ARHGEF33: variants seen among roughly 807,000 people sequenced by gnomAD.
ARHGEF33 encodes Rho guanine nucleotide exchange factor 33.
In ARHGEF33, 72 loss-of-function variants were observed where a neutral mutation model predicts 101.9. That is an observed-to-expected ratio of 0.71 (90% CI 0.58 to 0.86). ARHGEF33 has a LOEUF of 0.86. Among genes scored for constraint, ARHGEF33 ranks in the 40% least tolerant of loss-of-function variants. ARHGEF33 has a pLI of 0.00. For missense variants in ARHGEF33, 1,169 were observed against 1,111.3 expected (o/e 1.05, Z -0.74); for synonymous variants, 499 against 442.5 (o/e 1.13, Z -1.60).
chr2:38,926,168 G>A (rs1404141472), intron 4 of ARHGEF33, among the ~76,000 whole-genome samples: 1 of 152,164 alleles, frequency 6.6e-6, no homozygotes, highest in African/African-American at 2.4e-5. Context: ...GTGGGAGCCC[G>A]CCTCCAGCGG....
intron 11 of ARHGEF33, 85 bp downstream of exon 11, chr2:38,951,206 A>T: frequency 7.4e-7 from 1 of 1,343,578 alleles, no homozygotes; most frequent in East Asian, 2.5e-5. Context: ...AGAATCTAGA[A>T]GCAGTGAATT....
At chr2:38,894,378 C>T (rs759148856) in intron 1 of ARHGEF33, among the ~76,000 whole-genome samples, 13 of 149,230 alleles carry the variant, frequency 8.7e-5, no homozygotes, top group African/African-American at 1.5e-4. Flanking sequence ...CTTCCTAGAA[C>T]GCCAGCATAT....
chr2:38,897,689 T>C lies in ARHGEF33; in HGVS notation c.-86+1840T>C, dbSNP rs1212879415. Among the ~76,000 whole-genome samples, 5 of 152,348 alleles carry C rather than the reference T, an allele frequency of 3.3e-5. No homozygotes were observed. In the East Asian group the frequency reaches 9.6e-4, roughly 29 times the overall value. ...TGTAGAAGTGAGACTTTTAAATTTA[T>C]AGTTTGATAGAAATACTATAATGGA... is the stretch of plus-strand genomic sequence containing the variant. On this transcript the variant is annotated intron_variant, in intron 2 of 17. Transcript: ENST00000409978.
chr2:38,929,214 A>C, intron 5 of ARHGEF33, 143 bp downstream of exon 5: 1 of 567,146 alleles, frequency 1.8e-6, no homozygotes, highest in Non-Finnish European at 3.1e-6. Context: ...GTAGATCACA[A>C]GGTCAGGAGT....
rs569477621 is a variant in ARHGEF33, at chr2:38,903,982, T to C, written c.-86+8133T>C. Among the ~76,000 whole-genome samples the C allele has an allele frequency of 5.3e-5, 8 of 152,324 alleles. 1 individual carries two copies. The highest frequency in any genetic ancestry group is 1.9e-4 in the African/African-American group (8 of 41,564). ...ATTGAACTTCTACCCTATGTTAGAA[T>C]ATATCCTATGTACCAGGGATAATAA... On this transcript the variant is annotated intron_variant, in intron 2 of 17. Coordinates refer to ENST00000409978, the MANE Select transcript of ARHGEF33 (RefSeq NM_001145451.5).
At chr2:38,924,542 AACTCCAAC>A (rs1490610358) in intron 4 of ARHGEF33, among the ~76,000 whole-genome samples, 2 of 152,200 alleles carry the variant, frequency 1.3e-5, no homozygotes, top group African/African-American at 4.8e-5. Flanking sequence ...TAATGATTTC[AACTCCAAC>A]TGTGTTTTAA....
At chr2:38,966,281 A>G in intron 17 of ARHGEF33, 136 bp downstream of exon 17, 1 of 1,180,034 alleles carries the variant, frequency 8.5e-7, no homozygotes, top group Non-Finnish European at 1.2e-6. Context: ...CCCAGTAGCC[A>G]CAGTTCCGGC....
At chr2:38,904,894 G>T (rs1666354118) in intron 2 of ARHGEF33, among the ~76,000 whole-genome samples, 1 of 152,144 alleles carries the variant, frequency 6.6e-6, no homozygotes. Context: ...CTGATCCAAA[G>T]AGGCGACAAT....
At chr2:38,893,705 C>G (rs1160559572) in intron 1 of ARHGEF33, among the ~76,000 whole-genome samples, 1 of 152,200 alleles carries the variant, frequency 6.6e-6, no homozygotes, top group Admixed American at 6.5e-5. Context: ...CTCCTAGCAC[C>G]TGGTACAATG....
At chr2:38,933,784 A>G (rs1167903620) in intron 7 of ARHGEF33, among the ~76,000 whole-genome samples, 1 of 152,212 alleles carries the variant, frequency 6.6e-6, no homozygotes, top group Non-Finnish European at 1.5e-5. Context: ...GGAAAGGATT[A>G]CATAAGGACG....
chr2:38,897,788 G>A (rs1026158012), intron 2 of ARHGEF33, among the ~76,000 whole-genome samples: 1 of 152,226 alleles, frequency 6.6e-6, no homozygotes, highest in Non-Finnish European at 1.5e-5. Context: ...AAGAAAGCCA[G>A]GGAAGAATGA....
intron 4 of ARHGEF33, among the ~76,000 whole-genome samples, chr2:38,926,384 A>G (rs181127336): frequency 1.3e-4 from 20 of 152,286 alleles, no homozygotes; most frequent in Middle Eastern, 3.4e-3. Context: ...TTTACAAGGG[A>G]GTGGTCAGGG....
intron 1 of ARHGEF33, among the ~76,000 whole-genome samples, chr2:38,891,099 A>G (rs1351792967): frequency 6.6e-6 from 1 of 151,358 alleles, no homozygotes; most frequent in African/African-American, 2.4e-5. Flanking sequence ...ACACCCGGCT[A>G]ATTTTTGTAT....
chr2:38,954,396 C>T lies in ARHGEF33; in HGVS notation c.1161C>T (p.Asp387=), dbSNP rs1459836913. 1.3e-6 allele frequency: 2 copies of T among 1,546,710 alleles called. No individual in the cohort carries two copies. The highest frequency in any genetic ancestry group is 1.7e-4 in the Middle Eastern group (1 of 6,008). ...LKEGDEEIKS[D]IYTLFFHIVQ... ...AGGGTGATGAAGAGATTAAATCTGA[C>T]ATCTACACGTTGTTTTTTCACATAG... is the stretch of plus-strand genomic sequence containing the variant. Residue 387 remains aspartate, a synonymous_variant, in exon 13 of 18, where the codon GAC becomes GAT. Transcript: ENST00000409978.
intron 2 of ARHGEF33, among the ~76,000 whole-genome samples, chr2:38,899,110 A>C (rs912023203): frequency 1.3e-5 from 2 of 152,102 alleles, no homozygotes; most frequent in Non-Finnish European, 2.9e-5. Context: ...GAAATAATTG[A>C]TTATAAACAT....
Position 38,974,767 on chromosome 2 carries a change from A to G in ARHGEF33, c.*924A>G, listed in dbSNP as rs1453628756. On this transcript the variant is annotated 3_prime_UTR_variant, in exon 18 of 18. Coordinates refer to ENST00000409978, the MANE Select transcript of ARHGEF33 (RefSeq NM_001145451.5). ...GCACCAAAACTTCAATGGCTCACAC[A>G]CAGCAGTTGCTACAAACAGCAGGTC... is the stretch of plus-strand genomic sequence containing the variant. 7 of 152,356 alleles carry G rather than the reference A, an allele frequency of 4.6e-5. No homozygotes were observed. The highest frequency in any genetic ancestry group is 1.0e-4 in the Non-Finnish European group (7 of 68,036). The allele number at this position is 152,356 out of a possible 1,614,324, so 9.4% of individuals were successfully genotyped here.
chr2:38,932,186 G>A (rs539803885), intron 7 of ARHGEF33, among the ~76,000 whole-genome samples: 52 of 152,118 alleles, frequency 3.4e-4, no homozygotes, highest in African/African-American at 1.2e-3. Context: ...GCAGTGGCAC[G>A]ATCTCGGCTC....
chr2:38,924,142 C>T (rs1020637254), intron 4 of ARHGEF33, among the ~76,000 whole-genome samples: 1 of 151,962 alleles, frequency 6.6e-6, no homozygotes, highest in Non-Finnish European at 1.5e-5. Context: ...AGAACACAGA[C>T]AATTTACCAA....
chr2:38,958,184 T>C lies in ARHGEF33; in HGVS notation c.1521T>C (p.Ser507=). 1 of 1,551,742 alleles carries C rather than the reference T, an allele frequency of 6.4e-7. No homozygotes were observed. The highest frequency in any genetic ancestry group is 1.2e-5 in the South Asian group (1 of 84,054). The change falls in exon 15 of 18, where the codon TCT becomes TCC. Residue 507 remains serine, a synonymous_variant. Coordinates refer to ENST00000409978, the MANE Select transcript of ARHGEF33 (RefSeq NM_001145451.5). The stretch of plus-strand genomic sequence containing the variant: ...AACCCTACCCTTCTGCTCCCAGTTC[T>C]GGCCCTGCCATCACGTAAGCACCTG... The part of the protein sequence containing the change: ...LLQPYPSAPS[S]GPAITHLMPP...
Sources: gnomAD v4.1 joint callset for allele counts (sites outside exome capture counted in the v4.1 genomes callset) on GRCh38, gnomAD v4.1.1 for gene constraint, MANE v1.5 for transcripts, NCBI Gene and HGNC (gene_info 2026-07-23, HGNC 2026-07-21) for gene names.